ANKMY1: variants seen among roughly 807,000 people sequenced by gnomAD.
ANKMY1 encodes ankyrin repeat and MYND domain-containing protein 1.
In ANKMY1, 98 loss-of-function variants were observed where a neutral mutation model predicts 102.0. The observed-to-expected ratio is 0.96, with a 90% CI of 0.82 to 1.14. The LOEUF is 1.14. ANKMY1 is among the 50% of genes most tolerant of loss of function. The pLI, the probability that ANKMY1 is intolerant of heterozygous loss-of-function variation, is 0.00. For missense variants in ANKMY1, 1,330 were observed against 1,347.6 expected, an observed-to-expected ratio of 0.99 and a Z score of 0.20; for synonymous variants, 582 against 559.9, an observed-to-expected ratio of 1.04 and a Z score of -0.56.
At position 240,520,056 on chromosome 2, in the gene ANKMY1, T is replaced by C. The variant is rs998797309; in HGVS notation, c.2004+306A>G. ...AGGCCCGCCTCCTCCTGAATATAAG[T>C]CTCCCCTTTCCAAGGGGCCTTCAGG... On this transcript the variant is annotated intron_variant, in intron 9 of 17. Coordinates refer to ENST00000401804, the MANE Select transcript of ANKMY1 (RefSeq NM_001282771.3). The surrounding 1 kb of genome is among the most constrained non-coding windows in gnomAD (Gnocchi z 4.8). The C allele has an allele frequency of 1.7e-6, 1 of 577,330 alleles. No individual in the cohort carries two copies. Among genetic ancestry groups the C allele is most frequent in the Non-Finnish European group, 3.4e-6 (1 of 295,600 alleles). The allele number at this position is 577,330 out of a possible 1,614,324, so 35.8% of individuals were successfully genotyped here.
intron 15 of ANKMY1, among the ~76,000 whole-genome samples, chr2:240,496,987 C>T (rs980317281): frequency 6.6e-6 from 1 of 152,196 alleles, no homozygotes; most frequent in Non-Finnish European, 1.5e-5. Context: ...TATAGTTTCA[C>T]CTATATTTCC....
In ANKMY1 at chr2:240,523,982, C is replaced by A. The variant is rs141510821; in HGVS notation, c.1735G>T (p.Ala579Ser). Residue 579 changes from alanine (A) to serine (S), a missense_variant, in exon 8 of 18, where the codon GCC (alanine) becomes TCC (serine). Transcript: ENST00000401804. ...ATCTTCAGCAAGCTGTGGGACTGGG[C>A]GCTTCTCTCCAGCATGGCCTGCGAG... Reference protein sequence around the residue: ...ELSQAMLERSAQSHSLLKMAS... With the variant: ...ELSQAMLERSSQSHSLLKMAS... 8.1e-6 allele frequency: 13 copies of A among 1,613,752 alleles called. No homozygotes were observed. The African/African-American group carries it at 1.2e-4, about 15-fold the overall frequency.
At chr2:240,537,830 C>A (rs1200095146) in intron 4 of ANKMY1, among the ~76,000 whole-genome samples, 1 of 152,234 alleles carries the variant, frequency 6.6e-6, no homozygotes, top group Non-Finnish European at 1.5e-5. Context: ...CTGCGCCAAT[C>A]GCTGAGTTTT....
intron 4 of ANKMY1, among the ~76,000 whole-genome samples, chr2:240,547,783 A>G (rs1220308806): frequency 4.1e-5 from 6 of 147,402 alleles, no homozygotes; most frequent in South Asian, 2.2e-4. Context: ...TAAATTCCTC[A>G]ACACATACAC....
intron 4 of ANKMY1, among the ~76,000 whole-genome samples, chr2:240,549,901 CT>C (rs2091193342): frequency 6.6e-6 from 1 of 151,954 alleles, no homozygotes; most frequent in Non-Finnish European, 1.5e-5. Context: ...AACAGGAACA[CT>C]TTTACACTGT....
chr2:240,478,982 C>T (rs573915822), downstream of ANKMY1, among the ~76,000 whole-genome samples: 4 of 152,344 alleles, frequency 2.6e-5, no homozygotes, highest in South Asian at 2.1e-4. Context: ...TGAATTTCCA[C>T]GCAGGCCACC....
chr2:240,545,651 A>G, intron 4 of ANKMY1, among the ~76,000 whole-genome samples: 1 of 152,222 alleles, frequency 6.6e-6, no homozygotes, highest in East Asian at 1.9e-4. Flanking sequence ...TAACCAATAC[A>G]GAGAAGTGCT....
chr2:240,532,064 G>C, intron 4 of ANKMY1: 1 of 466,250 alleles, frequency 2.1e-6, no homozygotes, highest in Admixed American at 2.4e-5. Flanking sequence ...GAGAGAATGA[G>C]GCACAGGCAA....
chr2:240,490,374 T>C (rs77009686), intron 15 of ANKMY1, among the ~76,000 whole-genome samples: 19,060 of 152,246 alleles, frequency 0.13, 1,369 homozygotes, highest in Non-Finnish European at 0.16. Context: ...TAGTTTGTAA[T>C]CTTTCTACTT....
At chr2:240,560,924 G>A (rs754117685), upstream of ANKMY1, 3 of 1,535,524 alleles carry the variant, frequency 2.0e-6, no homozygotes, top group South Asian at 1.2e-5. Context: ...ACCTGCTGGC[G>A]CACCTGGAGC....
chr2:240,483,517 T>TA (rs2075687995), intron 15 of ANKMY1, among the ~76,000 whole-genome samples: 1 of 152,230 alleles, frequency 6.6e-6, no homozygotes, highest in Non-Finnish European at 1.5e-5. Context: ...CTTGTGTTTT[T>TA]ATCCAATGTG....
At chr2:240,540,225 T>A (rs1258825559) in intron 4 of ANKMY1, among the ~76,000 whole-genome samples, 1 of 152,218 alleles carries the variant, frequency 6.6e-6, no homozygotes, top group East Asian at 1.9e-4. Context: ...ATGTGTGTTT[T>A]CCATGTATTG....
chr2:240,496,020 G>A (rs1337476020), intron 15 of ANKMY1, among the ~76,000 whole-genome samples: 1 of 152,176 alleles, frequency 6.6e-6, no homozygotes, highest in African/African-American at 2.4e-5. Flanking sequence ...TGGAAGAAGT[G>A]GGCATGAAAT....
the ANKMY1 span, among the ~76,000 whole-genome samples, chr2:240,471,950 C>G: frequency 1.3e-5 from 2 of 152,188 alleles, no homozygotes; most frequent in African/African-American, 2.4e-5. Context: ...TCCATCCCCC[C>G]TGAAGGCAGG....
chr2:240,526,305 CA>C lies in ANKMY1; in HGVS notation c.1093del (p.Cys365ValfsTer4). 1 of 1,614,210 alleles carries C rather than the reference CA, an allele frequency of 6.2e-7. No homozygotes were observed. The highest frequency in any genetic ancestry group is 1.1e-5 in the South Asian group (1 of 91,082). The stretch of plus-strand genomic sequence containing the variant: ...AGCAAAGTTGTCCTTCAGGATCCTA[CA>C]AATCCATTCGTGGTTCCCTTCCTCA... ...KAEEGNHEWICRILKDNFASA... is the reference protein window; with the variant it reads ...KAEEGNHEWIXRILKDNFASA... On this transcript the variant is annotated frameshift_variant, in exon 6 of 18. Coordinates refer to ENST00000401804, the MANE Select transcript of ANKMY1 (RefSeq NM_001282771.3). LOFTEE classifies it high-confidence loss of function.
chr2:240,523,693 C>T, intron 8 of ANKMY1, 192 bp downstream of exon 8: 1 of 947,674 alleles, frequency 1.1e-6, no homozygotes, highest in Non-Finnish European at 1.5e-6. Context: ...CTGAAAACAG[C>T]CCGTCACCGT....
chr2:240,537,837 T>A (rs2087258388), intron 4 of ANKMY1, among the ~76,000 whole-genome samples: 1 of 152,202 alleles, frequency 6.6e-6, no homozygotes, highest in African/African-American at 2.4e-5. Context: ...AATCGCTGAG[T>A]TTTGGCCAAT....
rs1311666573 is a variant in ANKMY1 at position 240,543,352 on chromosome 2, CA to C, written c.480+9561del. Among the ~76,000 whole-genome samples the C allele has an allele frequency of 9.6e-3, 1,104 of 115,416 alleles. 5 individuals are homozygous for C. The highest frequency in any genetic ancestry group is 0.021 in the Middle Eastern group (4 of 188). 75.7% of individuals were successfully genotyped at this position (115,416 alleles called of 152,430 possible). Reference sequence around the variant, plus strand: ...TGGGTGATAGAGCGAGACTCTTTCTCAAAAAAAAAAAAAAATTATAGATAAA... The same window carrying C: ...TGGGTGATAGAGCGAGACTCTTTCTCAAAAAAAAAAAAAATTATAGATAAA... On this transcript the variant is annotated intron_variant, in intron 4 of 17. Transcript: ENST00000401804.
At chr2:240,555,248 C>T (rs1171791128) in intron 2 of ANKMY1, 193 bp from the exon 3 acceptor site, 2 of 620,488 alleles carry the variant, frequency 3.2e-6, no homozygotes, top group Admixed American at 2.9e-5. Flanking sequence ...CAAGGCCACA[C>T]AGGAAGTGGA....
Sources: allele counts gnomAD v4.1 joint callset (sites outside exome capture counted in the v4.1 genomes callset), GRCh38; gene constraint gnomAD v4.1.1; non-coding constraint Gnocchi (gnomAD v3.1); transcripts MANE v1.5; gene names NCBI Gene and HGNC (gene_info 2026-07-23, HGNC 2026-07-21).